The following CHFR variants were observed in gnomAD, a reference collection of about 807,000 sequenced individuals.
The protein encoded by CHFR is checkpoint with forkhead and ring finger domains.
In CHFR, 57 loss-of-function variants were observed where a neutral mutation model predicts 87.6. That is an observed-to-expected ratio of 0.65 (90% CI 0.53 to 0.81). The LOEUF (loss-of-function observed/expected upper bound fraction) is 0.81. Ranked by LOEUF, CHFR falls within the 30% of genes least tolerant of loss-of-function variation. The pLI, the probability that CHFR is intolerant of heterozygous loss-of-function variation, is 0.00. For missense variants in CHFR, 797 were observed against 865.8 expected (o/e 0.92, Z 1.00); for synonymous variants, 381 against 359.2 (o/e 1.06, Z -0.69).
chr12:132,857,564 A>T lies in CHFR; in HGVS notation c.912-5T>A. ...GTGTGCATGCAGGGCTGCAAACTGA[A>T]AGTGCAAGAGGAACAGTGTCCAGAC... On this transcript the variant is annotated splice_region_variant and splice_polypyrimidine_tract_variant and intron_variant, in intron 8 of 17. Transcript: ENST00000450056. 1 of 1,613,520 alleles carries T rather than the reference A, an allele frequency of 6.2e-7. No individual in the cohort carries two copies. Among genetic ancestry groups the T allele is most frequent in the Non-Finnish European group, 8.5e-7 (1 of 1,179,746 alleles).
chr12:132,864,274 A>G (rs1951282556), intron 6 of CHFR, among the ~76,000 whole-genome samples: 2 of 151,936 alleles, frequency 1.3e-5, no homozygotes, highest in Non-Finnish European at 2.9e-5. Context: ...GGAAAGAGAC[A>G]GCCTGTGGGC....
At chr12:132,850,964 C>CATATATATATATATATATAT (rs55826641) in intron 12 of CHFR, among the ~76,000 whole-genome samples, 21 of 135,708 alleles carry the variant, frequency 1.5e-4, no homozygotes, top group African/African-American at 5.7e-4. Flanking sequence ...TATGTGTGTG[C>CATATATATATATATATATAT]ATATATATAT....
intron 7 of CHFR, among the ~76,000 whole-genome samples, chr12:132,860,344 G>GC (rs1374724245): frequency 1.3e-5 from 2 of 152,010 alleles, no homozygotes; most frequent in Non-Finnish European, 2.9e-5. Flanking sequence ...TTATGCTTAT[G>GC]CAAGTATTCA....
chr12:132,873,448 G>A (rs34600455), intron 3 of CHFR, among the ~76,000 whole-genome samples: 32,108 of 152,242 alleles, frequency 0.21, 3,730 homozygotes, highest in Middle Eastern at 0.38. Flanking sequence ...GTTTTGAGCT[G>A]TGCAGATGCA....
At chr12:132,850,367 G>C (rs901878995) in intron 12 of CHFR, among the ~76,000 whole-genome samples, 2 of 152,264 alleles carry the variant, frequency 1.3e-5, no homozygotes, top group African/African-American at 4.8e-5. Context: ...TACGAAGCAT[G>C]CTCTGTGAAA....
intron 1 of CHFR, 32 bp downstream of exon 1, chr12:132,887,515 C>A (rs1338190065): frequency 1.5e-5 from 3 of 201,896 alleles, no homozygotes; most frequent in Non-Finnish European, 2.6e-5. Flanking sequence ...CCCTTCGCCG[C>A]CCGCCGCAGC....
At chr12:132,870,166 C>T (rs1302958989) in intron 5 of CHFR, among the ~76,000 whole-genome samples, 1 of 152,054 alleles carries the variant, frequency 6.6e-6, no homozygotes, top group African/African-American at 2.4e-5. Flanking sequence ...ACCTGGCTAA[C>T]ACGGTGAAAC....
rs1950732514 is a variant in CHFR, at chr12:132,842,914, T to G, written c.1916+97A>C. 7 of 1,019,890 alleles carry G rather than the reference T, an allele frequency of 6.9e-6. No homozygotes were observed. In the South Asian group the frequency reaches 9.5e-5, roughly 14 times the overall value. 63.2% of individuals were successfully genotyped at this position (1,019,890 alleles called of 1,614,324 possible). On this transcript the variant is annotated intron_variant, in intron 17 of 17. Coordinates refer to ENST00000450056, the MANE Select transcript of CHFR (RefSeq NM_001161346.2). ...ATACCGGTTCCTAAAGGATGCAACC[T>G]GAGAGAAGCATAATGACCATATCAG...
chr12:132,847,668 G>T, intron 14 of CHFR: 2 of 1,101,090 alleles, frequency 1.8e-6, no homozygotes, highest in Non-Finnish European at 2.2e-6. Context: ...TTAAACATAT[G>T]TAAATCCTAG....
In CHFR at chr12:132,881,366, T is replaced by C. The variant is rs1951765654; in HGVS notation, c.134-3712A>G. On this transcript the variant is annotated intron_variant, in intron 2 of 17. Transcript: ENST00000450056. The stretch of plus-strand genomic sequence containing the variant: ...TTGTAAAACACATATCTGACAAAGA[T>C]CTTGTATCCAGAATGTATAGAGAAC... Among the ~76,000 whole-genome samples the C allele has an allele frequency of 2.6e-5, 4 of 152,066 alleles. No individual in the cohort carries two copies. In the South Asian group the frequency reaches 8.3e-4, roughly 31 times the overall value.
At chr12:132,849,003 G>A (rs1011790957) in intron 12 of CHFR, 2 of 389,310 alleles carry the variant, frequency 5.1e-6, no homozygotes, top group African/African-American at 2.1e-5. Flanking sequence ...CTGGAGTACA[G>A]GGGAACAATC....
At chr12:132,861,830 G>T in intron 6 of CHFR, 196 bp from the exon 7 acceptor site, 1 of 559,610 alleles carries the variant, frequency 1.8e-6, no homozygotes. Flanking sequence ...TCTCTACGTG[G>T]GGTGGAGCTG....
chr12:132,881,332 T>C (rs893887600), intron 2 of CHFR, among the ~76,000 whole-genome samples: 29 of 151,860 alleles, frequency 1.9e-4, no homozygotes, highest in African/African-American at 7.0e-4. Context: ...TATGGACTGG[T>C]GGAAATATTT....
At chr12:132,881,681 C>A (rs1277369772) in intron 2 of CHFR, among the ~76,000 whole-genome samples, 1 of 152,084 alleles carries the variant, frequency 6.6e-6, no homozygotes, top group Non-Finnish European at 1.5e-5. Context: ...TCCTGGCCAA[C>A]ATGGTGAAAC....
chr12:132,885,013 G>T (rs1434057814), intron 2 of CHFR, among the ~76,000 whole-genome samples: 1 of 151,702 alleles, frequency 6.6e-6, no homozygotes, highest in Non-Finnish European at 1.5e-5. Flanking sequence ...GCTTGAACCT[G>T]GAAGAGGGAA....
intron 16 of CHFR, 44 bp from the exon 17 acceptor site, chr12:132,843,127 G>C: frequency 6.4e-7 from 1 of 1,551,332 alleles, no homozygotes; most frequent in Non-Finnish European, 8.8e-7. Flanking sequence ...TGTATTGCAC[G>C]CACCCACTCA....
rs775767314 is a variant in CHFR, at chr12:132,853,455, A to G, written c.1348T>C (p.Ser450Pro). Reference sequence around the variant, plus strand: ...CCTGTCGTCAGGCTGACGGACGTGGAGGGTGCATCCCCCAGGGCCTGTGGG... The same window carrying G: ...CCTGTCGTCAGGCTGACGGACGTGGGGGGTGCATCCCCCAGGGCCTGTGGG... ...GAPQALGDAP[S>P]TSVSLTTAVQ... The change falls in exon 11 of 18, where the codon TCC becomes CCC. Residue 450 changes from serine (S) to proline (P), a missense_variant. Coordinates refer to ENST00000450056, the MANE Select transcript of CHFR (RefSeq NM_001161346.2). The G allele has an allele frequency of 6.5e-7, 1 of 1,534,574 alleles. No individual in the cohort carries two copies. The highest frequency in any genetic ancestry group is 2.3e-5 in the Admixed American group (1 of 43,916).
intron 14 of CHFR, chr12:132,847,692 T>C: frequency 9.1e-7 from 1 of 1,103,238 alleles, no homozygotes; most frequent in Non-Finnish European, 1.1e-6. Flanking sequence ...CCGAGGTAGC[T>C]TCCTAGACGT....
rs1211443458 is a variant in CHFR, at chr12:132,839,716, C to T, written c.*1838G>A. 1.8e-5 allele frequency: 3 copies of T among 169,656 alleles called. No individual in the cohort carries two copies. The highest frequency in any genetic ancestry group is 3.9e-4 in the East Asian group (2 of 5,114). 10.5% of individuals were successfully genotyped at this position (169,656 alleles called of 1,614,324 possible). A position where few individuals can be genotyped will look rare whatever the true frequency, so the allele number is the denominator to read the frequency against. On this transcript the variant is annotated 3_prime_UTR_variant, in exon 18 of 18. Transcript: ENST00000450056. ...TCAAGACTTCCCTTCTTGGCCTCACCCCTGCACAAACGTGCAAACTCCCCT... is the reference window on the plus strand; with the variant it reads ...TCAAGACTTCCCTTCTTGGCCTCACTCCTGCACAAACGTGCAAACTCCCCT...
Sources: gnomAD v4.1 joint callset for allele counts (sites outside exome capture counted in the v4.1 genomes callset) on GRCh38, gnomAD v4.1.1 for gene constraint, MANE v1.5 for transcripts, NCBI Gene and HGNC (gene_info 2026-07-23, HGNC 2026-07-21) for gene names.